Variants in PON3 observed in about 807,000 individuals in gnomAD.
PON3 encodes the protein serum paraoxonase/lactonase 3.
Under a neutral mutation model 36.3 loss-of-function variants are expected in PON3, and 37 were observed. The observed-to-expected ratio is 1.02, with a 90% CI of 0.78 to 1.34. The LOEUF (loss-of-function observed/expected upper bound fraction) is 1.34, where lower values mean the gene tolerates loss of function less well. Ranked by LOEUF, PON3 falls within the 40% of genes most tolerant of loss-of-function variation. PON3 has a pLI of 0.00. For missense variants in PON3, 415 were observed against 426.5 expected, an observed-to-expected ratio of 0.97 and a Z score of 0.24; for synonymous variants, 155 against 154.8, an observed-to-expected ratio of 1.00 and a Z score of -0.01.
intron 2 of PON3, among the ~76,000 whole-genome samples, chr7:95,392,890 CTCTCCCAG>C (rs2116426378): frequency 6.6e-6 from 1 of 152,348 alleles, no homozygotes; most frequent in Admixed American, 6.5e-5. Context: ...GGTCCTGCTC[CTCTCCCAG>C]AATGCTGTCA....
At chr7:95,361,905 C>T (rs1423309827) in intron 8 of PON3, among the ~76,000 whole-genome samples, 1 of 152,092 alleles carries the variant, frequency 6.6e-6, no homozygotes, top group Non-Finnish European at 1.5e-5. Context: ...GAAAATAAGA[C>T]AATTTTCAAC....
chr7:95,373,684 C>T (rs17886074), intron 3 of PON3, among the ~76,000 whole-genome samples: 2 of 152,176 alleles, frequency 1.3e-5, no homozygotes, highest in African/African-American at 2.4e-5. Context: ...GATTGAAAAA[C>T]TCCACTACAA....
At position 95,359,908 on chromosome 7, in the gene PON3, T is replaced by C; in HGVS notation, c.*65A>G. 6.6e-7 allele frequency: 1 copy of C among 1,515,140 alleles called. No homozygotes were observed. Among genetic ancestry groups the C allele is most frequent in the Non-Finnish European group, 9.0e-7 (1 of 1,110,722 alleles). 93.9% of individuals were successfully genotyped at this position (1,515,140 alleles called of 1,614,324 possible). On this transcript the variant is annotated 3_prime_UTR_variant, in exon 9 of 9. Transcript: ENST00000265627. Reference sequence around the variant, plus strand: ...TATTTACTTACAGTGCCACTTATCATACAATTATCAGTTTACTTTTACAAA... The same window carrying C: ...TATTTACTTACAGTGCCACTTATCACACAATTATCAGTTTACTTTTACAAA...
At chr7:95,381,640 C>T (rs964279723) in intron 3 of PON3, among the ~76,000 whole-genome samples, 20 of 152,252 alleles carry the variant, frequency 1.3e-4, no homozygotes, top group Middle Eastern at 3.4e-3. Flanking sequence ...ATCAATTCAA[C>T]GAGAAGAGCT....
chr7:95,394,731 C>G lies in PON3; in HGVS notation c.75-17G>C. The G allele has an allele frequency of 6.2e-7, 1 of 1,611,610 alleles. No individual in the cohort carries two copies. Among genetic ancestry groups the G allele is most frequent in the Non-Finnish European group, 8.5e-7 (1 of 1,177,766 alleles). ...ACCCTTTCTCTGTAGAAGATAAAAC[C>G]CAACCCTGGAAGTCAAGGCACAGCA... On this transcript the variant is annotated splice_polypyrimidine_tract_variant and intron_variant, in intron 1 of 8. Transcript: ENST00000265627.
chr7:95,372,587 AG>A (rs1274328408), intron 3 of PON3, among the ~76,000 whole-genome samples: 1 of 152,158 alleles, frequency 6.6e-6, no homozygotes, highest in Admixed American at 6.5e-5. Flanking sequence ...TTTAGAGAAA[AG>A]GAGTTAAGCC....
intron 5 of PON3, chr7:95,365,868 A>AT (rs1435735830): frequency 6.6e-6 from 1 of 152,106 alleles, no homozygotes; most frequent in Non-Finnish European, 1.5e-5. Flanking sequence ...TTCTCCCTGT[A>AT]TATCTGCCTG....
At chr7:95,367,237 A>G in intron 5 of PON3, 125 bp downstream of exon 5, 1 of 1,222,646 alleles carries the variant, frequency 8.2e-7, no homozygotes, top group Non-Finnish European at 1.2e-6. Context: ...ATCATTAGAA[A>G]GCTTTAGAAA....
chr7:95,381,814 G>A (rs2116406862), intron 3 of PON3, among the ~76,000 whole-genome samples: 1 of 152,188 alleles, frequency 6.6e-6, no homozygotes, highest in African/African-American at 2.4e-5. Context: ...AGTTAAAAAG[G>A]ATATCCAGGA....
intron 3 of PON3, among the ~76,000 whole-genome samples, chr7:95,378,511 T>TC (rs1808971387): frequency 6.6e-6 from 1 of 152,172 alleles, no homozygotes; most frequent in African/African-American, 2.4e-5. Flanking sequence ...AGAGAAAGGC[T>TC]GGGTTACCCA....
At chr7:95,368,857 CACCTCT>C (rs1467218757) in intron 4 of PON3, among the ~76,000 whole-genome samples, 8 of 151,646 alleles carry the variant, frequency 5.3e-5, no homozygotes, top group African/African-American at 1.9e-4. Context: ...AACCCACCTC[CACCTCT>C]ACCTCTAATA....
chr7:95,383,160 T>A (rs1034047672), intron 3 of PON3, among the ~76,000 whole-genome samples: 4 of 152,158 alleles, frequency 2.6e-5, no homozygotes, highest in African/African-American at 9.7e-5. Flanking sequence ...CAGCCCTTCA[T>A]GCTAAAAACT....
chr7:95,367,851 T>C (rs1808732538), intron 4 of PON3, among the ~76,000 whole-genome samples: 1 of 152,132 alleles, frequency 6.6e-6, no homozygotes, highest in Non-Finnish European at 1.5e-5. Flanking sequence ...GAGAAGTGAG[T>C]GCAAGCAAAC....
chr7:95,392,078 T>C (rs1230936072), intron 2 of PON3, among the ~76,000 whole-genome samples: 2 of 152,208 alleles, frequency 1.3e-5, no homozygotes, highest in African/African-American at 4.8e-5. Flanking sequence ...ACTTTACAAA[T>C]TGGTTATGAG....
intron 3 of PON3, among the ~76,000 whole-genome samples, chr7:95,379,974 T>A (rs1809009375): frequency 6.6e-6 from 1 of 152,086 alleles, no homozygotes; most frequent in Admixed American, 6.6e-5. Flanking sequence ...GACTGACACC[T>A]CACATGGCCA....
At chr7:95,376,506 T>G (rs1029412820) in intron 3 of PON3, among the ~76,000 whole-genome samples, 1 of 152,222 alleles carries the variant, frequency 6.6e-6, no homozygotes, top group African/African-American at 2.4e-5. Flanking sequence ...ATCCTTATCC[T>G]ATAAGTTGTT....
intron 2 of PON3, among the ~76,000 whole-genome samples, chr7:95,391,841 T>G (rs1809326040): frequency 6.6e-6 from 1 of 152,226 alleles, no homozygotes; most frequent in Admixed American, 6.5e-5. Flanking sequence ...TCTCAGATTT[T>G]CTGTTTTCCA....
At chr7:95,387,825 AC>A (rs1809232382) in intron 3 of PON3, among the ~76,000 whole-genome samples, 1 of 152,138 alleles carries the variant, frequency 6.6e-6, no homozygotes, top group South Asian at 2.1e-4. Context: ...CAGAAATAAC[AC>A]CACACATCTA....
chr7:95,378,874 T>TA (rs1030055738), intron 3 of PON3, among the ~76,000 whole-genome samples: 1 of 152,186 alleles, frequency 6.6e-6, no homozygotes, highest in Non-Finnish European at 1.5e-5. Context: ...GCTAACATCA[T>TA]AATGACAGGG....
Sources: allele counts gnomAD v4.1 joint callset (sites outside exome capture counted in the v4.1 genomes callset), GRCh38; gene constraint gnomAD v4.1.1; transcripts MANE v1.5; gene names NCBI Gene and HGNC (gene_info 2026-07-23, HGNC 2026-07-21).